The following PI4KA variants were observed in gnomAD, a reference collection of about 807,000 sequenced individuals.
PI4KA encodes the protein phosphatidylinositol 4-kinase alpha.
PI4KA carries 122 observed loss-of-function variants against 271.4 expected under a neutral mutation model. That is an observed-to-expected ratio of 0.45 (90% CI 0.39 to 0.52). PI4KA has a LOEUF of 0.52. PI4KA is among the 20% of genes least tolerant of loss of function. The pLI, the probability that PI4KA is intolerant of heterozygous loss-of-function variation, is 0.00. For missense variants in PI4KA, 1,969 were observed against 2,769.1 expected (o/e 0.71, Z 6.48); for synonymous variants, 1,041 against 1,078.8 (o/e 0.96, Z 0.69).
chr22:20,779,230 T>C (rs758100513), intron 19 of PI4KA: 16 of 1,606,938 alleles, frequency 1.0e-5, no homozygotes, highest in Admixed American at 3.3e-5. Flanking sequence ...GAACCTGCCA[T>C]GTGGATGCTG....
At chr22:20,730,095 T>C in intron 36 of PI4KA, 84 bp from the exon 37 acceptor site, 1 of 1,491,780 alleles carries the variant, frequency 6.7e-7, no homozygotes, top group Non-Finnish European at 9.2e-7. Flanking sequence ...TCACCAGAGA[T>C]AAAGCAATTA....
At chr22:20,751,521 T>C (rs1460103797) in intron 26 of PI4KA, 145 bp from the exon 27 acceptor site, 2 of 924,056 alleles carry the variant, frequency 2.2e-6, no homozygotes, top group Non-Finnish European at 3.4e-6. Flanking sequence ...CCAGGTGGAT[T>C]TGGGCCCCCT....
At chr22:20,766,091 T>C (rs577071393) in intron 19 of PI4KA, among the ~76,000 whole-genome samples, 131 of 152,168 alleles carry the variant, frequency 8.6e-4, no homozygotes, top group Non-Finnish European at 1.6e-3. Context: ...GAGCATTAGG[T>C]CCTAAGCCTG....
At chr22:20,769,957 T>C (rs570246579) in intron 19 of PI4KA, among the ~76,000 whole-genome samples, 1 of 152,324 alleles carries the variant, frequency 6.6e-6, no homozygotes, top group African/African-American at 2.4e-5. Flanking sequence ...GAGTGATGTC[T>C]TTAAGTGGAT....
At chr22:20,716,144 G>A (rs189435666) in intron 45 of PI4KA, among the ~76,000 whole-genome samples, 4 of 152,026 alleles carry the variant, frequency 2.6e-5, no homozygotes, top group African/African-American at 9.7e-5. Flanking sequence ...TCTGCCTCCC[G>A]GGTTCACGCC....
In PI4KA at chr22:20,838,620, G is replaced by A. The variant is rs774827427; in HGVS notation, c.268C>T (p.Leu90Phe). ...ALGIFLIESD[L>F]QHKDCVVPYL... Reference sequence around the variant, plus strand: ...TTAATTTCATGAAGACTTACCTGAAGATCAGATTCAATCAGAAAAATGCCC... The same window carrying A: ...TTAATTTCATGAAGACTTACCTGAAAATCAGATTCAATCAGAAAAATGCCC... Residue 90 changes from leucine (L) to phenylalanine (F), a missense_variant, in exon 2 of 55, where the codon CTT becomes TTT. Leu to Phe is a conservative substitution (Grantham distance 22). This residue lies in a region of PI4KA where 540 missense variants were observed against 555.5 expected (regional missense o/e 0.97). Transcript: ENST00000255882. 8 of 1,575,720 alleles carry A rather than the reference G, an allele frequency of 5.1e-6. No homozygotes were observed. Among genetic ancestry groups the A allele is most frequent in the Non-Finnish European group, 6.1e-6 (7 of 1,145,212 alleles).
In PI4KA at chr22:20,802,043, T is replaced by C; in HGVS notation, c.1654A>G (p.Met552Val). 1 of 1,614,030 alleles carries C rather than the reference T, an allele frequency of 6.2e-7. No homozygotes were observed. ...GAGGGCTGGCTCTTCTTACCCGACA[T>C]GACGTTCAGGGTTGACTCGGAATGC... The part of the protein sequence containing the change: ...NEHSESTLNV[M>V]SGKKSQPSMY... The change falls in exon 14 of 55, where the codon ATG becomes GTG. Residue 552 changes from methionine to valine, a missense_variant. Transcript: ENST00000255882.
At chr22:20,798,758 G>C in intron 16 of PI4KA, 71 bp from the exon 17 acceptor site, 2 of 1,008,916 alleles carry the variant, frequency 2.0e-6, no homozygotes, top group Non-Finnish European at 3.2e-6. Context: ...ATCACCTAGA[G>C]AGAAAGCTCT....
At chr22:20,775,940 T>C (rs1005417572) in intron 19 of PI4KA, among the ~76,000 whole-genome samples, 3 of 152,222 alleles carry the variant, frequency 2.0e-5, no homozygotes, top group Non-Finnish European at 4.4e-5. Flanking sequence ...TCTCCTGATA[T>C]GTAAAATGCT....
chr22:20,818,612 T>C, intron 6 of PI4KA, 63 bp from the exon 7 acceptor site: 8 of 1,272,600 alleles, frequency 6.3e-6, no homozygotes, highest in Non-Finnish European at 7.5e-6. Flanking sequence ...CAGATTTGTC[T>C]TAGACAAGGT....
At chr22:20,807,580 G>A (rs550139180) in intron 9 of PI4KA, 122 bp from the exon 10 acceptor site, 8 of 633,620 alleles carry the variant, frequency 1.3e-5, no homozygotes, top group African/African-American at 9.1e-5. Context: ...TGAAGCAACT[G>A]TTTATCATGA....
At chr22:20,792,064 G>A (rs954676713) in intron 19 of PI4KA, among the ~76,000 whole-genome samples, 8 of 152,056 alleles carry the variant, frequency 5.3e-5, no homozygotes, top group Non-Finnish European at 1.0e-4. Flanking sequence ...TCGCACCACT[G>A]CATTCCAGCC....
Position 20,807,806 on chromosome 22 carries a change from C to T in PI4KA, c.1072-348G>A, listed in dbSNP as rs566184601. On this transcript the variant is annotated intron_variant, in intron 9 of 54. Coordinates refer to ENST00000255882, the MANE Select transcript of PI4KA (RefSeq NM_058004.4). ...GAAGGAGGAAGACTGACAAAGGCCACCAGAGTAAGGGATCCACACTGTCCA... is the reference window on the plus strand; with the variant it reads ...GAAGGAGGAAGACTGACAAAGGCCATCAGAGTAAGGGATCCACACTGTCCA... Among the ~76,000 whole-genome samples the T allele has an allele frequency of 4.6e-5, 7 of 152,102 alleles. No homozygotes were observed. The South Asian group carries it at 1.5e-3, about 32-fold the overall frequency.
intron 7 of PI4KA, among the ~76,000 whole-genome samples, chr22:20,816,072 TG>T (rs1004200762): frequency 2.0e-5 from 3 of 152,026 alleles, no homozygotes; most frequent in African/African-American, 7.2e-5. Flanking sequence ...CCTGAGTAGC[TG>T]GGATTATAGG....
At position 20,821,353 on chromosome 22, in the gene PI4KA, A is replaced by G. The variant is rs544352322; in HGVS notation, c.457-742T>C. The stretch of plus-strand genomic sequence containing the variant: ...CCTGACTCAGTCTCCTGAGTAGCTA[A>G]GATTACAGGTGCATGCCACCATGCC... On this transcript the variant is annotated intron_variant, in intron 4 of 54. Transcript: ENST00000255882. Among the ~76,000 whole-genome samples, 23 of 150,928 alleles carry G rather than the reference A, an allele frequency of 1.5e-4. No homozygotes were observed. In the East Asian group the frequency reaches 1.9e-3, roughly 12 times the overall value.
At position 20,727,822 on chromosome 22, in the gene PI4KA, G is replaced by A. The variant is rs149966923; in HGVS notation, c.4725C>T (p.Leu1575=). 71 of 1,613,982 alleles carry A rather than the reference G, an allele frequency of 4.4e-5. No individual in the cohort carries two copies. In the African/African-American group the frequency reaches 8.1e-4, roughly 19 times the overall value. ...TAACGGCTCCCGGGTCCAACCGAAC[G>A]AGACGGGTCACTTCGTTCCCAATGG... The part of the protein sequence containing the change: ...TEAIGNEVTR[L]VRLDPGAVSD... The change falls in exon 40 of 55, where the codon CTC becomes CTT. Residue 1575 remains leucine (L), a synonymous_variant. Coordinates refer to ENST00000255882, the MANE Select transcript of PI4KA (RefSeq NM_058004.4).
chr22:20,729,259 C>T, intron 39 of PI4KA, 54 bp downstream of exon 39: 1 of 1,515,540 alleles, frequency 6.6e-7, no homozygotes, highest in South Asian at 1.2e-5. Flanking sequence ...GGCAAGCACC[C>T]TGCGCTGGAC....
rs1569060750 is a variant in PI4KA, at chr22:20,811,012, C to T, written c.1026G>A (p.Glu342=). 1.2e-6 allele frequency: 2 copies of T among 1,613,658 alleles called. No individual in the cohort carries two copies. The highest frequency in any genetic ancestry group is 1.7e-6 in the Non-Finnish European group (2 of 1,179,560). Residue 342 remains glutamate, a synonymous_variant, in exon 9 of 55, where the codon GAG becomes GAA. Transcript: ENST00000255882. ...LLNLVKKIVE[E]AVLKSLDAIV... ...TGGCATCCAAAGATTTGAGAACAGC[C>T]TCCTCAACGATCTTCTTCACCTACC...
At chr22:20,825,885 T>G (rs1319277464) in intron 3 of PI4KA, among the ~76,000 whole-genome samples, 1 of 152,172 alleles carries the variant, frequency 6.6e-6, no homozygotes, top group African/African-American at 2.4e-5. Flanking sequence ...CTTCCTCCTA[T>G]TCTCCACTCT....
Sources: allele counts gnomAD v4.1 joint callset (sites outside exome capture counted in the v4.1 genomes callset), GRCh38; gene constraint gnomAD v4.1.1; regional missense constraint gnomAD v4.1.1; transcripts MANE v1.5; gene names NCBI Gene and HGNC (gene_info 2026-07-23, HGNC 2026-07-21).